The following EEFSEC variants were observed in gnomAD, a reference collection of about 807,000 sequenced individuals.
The protein encoded by EEFSEC is eukaryotic elongation factor, selenocysteine-tRNA specific.
EEFSEC carries 43 observed loss-of-function variants against 42.1 expected under a neutral mutation model. The ratio of observed to expected loss-of-function variants is 1.02; its 90% CI spans 0.80 to 1.32. EEFSEC has a LOEUF of 1.32. Among genes scored for constraint, EEFSEC ranks in the 40% most tolerant of loss-of-function variants. The pLI is 0.00. For synonymous variants in EEFSEC, 354 were observed against 339.1 expected (o/e 1.04, Z -0.48); for missense variants, 745 against 803.6 (o/e 0.93, Z 0.88).
At chr3:128,370,399 C>T (rs1576678528) in intron 6 of EEFSEC, among the ~76,000 whole-genome samples, 1 of 152,148 alleles carries the variant, frequency 6.6e-6, no homozygotes, top group African/African-American at 2.4e-5. Flanking sequence ...CATAGCTCAG[C>T]AGCTGTGCCC....
chr3:128,262,017 A>ATGATGT (rs2066302020), intron 2 of EEFSEC, 111 bp from the exon 3 acceptor site: 1 of 939,738 alleles, frequency 1.1e-6, no homozygotes, highest in Admixed American at 1.8e-5. Context: ...TGATGTGGGG[A>ATGATGT]GAGAAGAGGA....
chr3:128,275,028 T>C (rs2066453333), intron 4 of EEFSEC, among the ~76,000 whole-genome samples: 1 of 152,198 alleles, frequency 6.6e-6, no homozygotes, highest in Non-Finnish European at 1.5e-5. Context: ...CCGAAACTTG[T>C]ATGCCTGTAG....
chr3:128,263,775 T>C (rs925892023), intron 3 of EEFSEC, among the ~76,000 whole-genome samples: 8 of 152,234 alleles, frequency 5.3e-5, no homozygotes, highest in Admixed American at 4.6e-4. Flanking sequence ...ATTTGTTTAT[T>C]GGTGATGAGC....
chr3:128,418,389 G>A, the EEFSEC span, among the ~76,000 whole-genome samples: 20 of 151,972 alleles, frequency 1.3e-4, no homozygotes, highest in African/African-American at 3.4e-4. Context: ...AACAGCAGGC[G>A]GCTCTGCCCG....
At chr3:128,335,376 TGAG>T (rs1227749267) in intron 4 of EEFSEC, among the ~76,000 whole-genome samples, 1 of 151,860 alleles carries the variant, frequency 6.6e-6, no homozygotes, top group Non-Finnish European at 1.5e-5. Flanking sequence ...GTGGGGTGAC[TGAG>T]GAGGGGCTCT....
At chr3:128,424,664 A>T in the EEFSEC span, among the ~76,000 whole-genome samples, 1 of 152,074 alleles carries the variant, frequency 6.6e-6, no homozygotes, top group Non-Finnish European at 1.5e-5. Flanking sequence ...GGATTACAGG[A>T]ATGAGTCACG....
intron 6 of EEFSEC, among the ~76,000 whole-genome samples, chr3:128,359,435 T>C (rs1366306792): frequency 1.3e-5 from 2 of 152,108 alleles, no homozygotes; most frequent in Non-Finnish European, 2.9e-5. Context: ...GAATAGAATG[T>C]GGTGATGCAA....
chr3:128,354,089 G>T (rs550164939), intron 5 of EEFSEC, among the ~76,000 whole-genome samples: 1 of 152,278 alleles, frequency 6.6e-6, no homozygotes, highest in East Asian at 1.9e-4. Context: ...CCACCCAGCT[G>T]CTGTGAAATG....
At chr3:128,195,100 A>G (rs951847742) in intron 1 of EEFSEC, among the ~76,000 whole-genome samples, 3 of 152,104 alleles carry the variant, frequency 2.0e-5, no homozygotes, top group African/African-American at 7.2e-5. Context: ...AGTACAATTA[A>G]TATTTTACAC....
At chr3:128,188,928 C>G (rs1397513124) in intron 1 of EEFSEC, among the ~76,000 whole-genome samples, 1 of 152,350 alleles carries the variant, frequency 6.6e-6, no homozygotes, top group Non-Finnish European at 1.5e-5. Flanking sequence ...GATGGTTCAG[C>G]ATGGACTGCC....
Position 128,341,274 on chromosome 3 carries a change from C to T in EEFSEC, c.828C>T (p.Pro276=), listed in dbSNP as rs1457132947. 6.2e-7 allele frequency: 1 copy of T among 1,613,480 alleles called. No homozygotes were observed. The highest frequency in any genetic ancestry group is 8.5e-7 in the Non-Finnish European group (1 of 1,179,752). The part of the protein sequence containing the change: ...KVKSMQMFHM[P]ITSAMQGDRL... ...AGTCCATGCAGATGTTCCACATGCC[C>T]ATCACTTCAGCCATGCAAGGAGACC... is the stretch of plus-strand genomic sequence containing the variant. The change falls in exon 5 of 7, where the codon CCC becomes CCT. Residue 276 remains proline (P), a synonymous_variant. Coordinates refer to ENST00000254730, the MANE Select transcript of EEFSEC (RefSeq NM_021937.5).
chr3:128,328,862 G>A (rs1253304338), intron 4 of EEFSEC, among the ~76,000 whole-genome samples: 1 of 152,170 alleles, frequency 6.6e-6, no homozygotes, highest in Non-Finnish European at 1.5e-5. Flanking sequence ...ATAGTGGCAG[G>A]TTGAATTTTG....
At chr3:128,414,927 T>C in the EEFSEC span, among the ~76,000 whole-genome samples, 1 of 152,106 alleles carries the variant, frequency 6.6e-6, no homozygotes, top group African/African-American at 2.4e-5. Context: ...CAAAGCTACA[T>C]CAGCTGGCCT....
intron 6 of EEFSEC, among the ~76,000 whole-genome samples, chr3:128,391,372 A>C (rs976967081): frequency 6.6e-6 from 1 of 152,190 alleles, no homozygotes; most frequent in Non-Finnish European, 1.5e-5. Flanking sequence ...AGAGCCCCAC[A>C]CCTGGGTTGG....
At chr3:128,375,485 G>A (rs993599824) in intron 6 of EEFSEC, among the ~76,000 whole-genome samples, 11 of 152,200 alleles carry the variant, frequency 7.2e-5, no homozygotes, top group South Asian at 6.2e-4. Flanking sequence ...CTTCGCAGTC[G>A]GTCTCCCACC....
intron 1 of EEFSEC, among the ~76,000 whole-genome samples, chr3:128,207,000 A>C (rs1484113852): frequency 2.6e-5 from 4 of 152,104 alleles, no homozygotes; most frequent in African/African-American, 9.7e-5. Flanking sequence ...CCTGCAGCTG[A>C]GGGGGCCCCT....
rs1437729318 is a variant in EEFSEC, at chr3:128,345,655, G to A, written c.1443+3766G>A. On this transcript the variant is annotated intron_variant, in intron 5 of 6. Transcript: ENST00000254730. The stretch of plus-strand genomic sequence containing the variant: ...GCACCCAGCCTTTGCTCTGTGATTC[G>A]GGGCAAGGCCAGCACATCTACTTTG... Among the ~76,000 whole-genome samples the A allele has an allele frequency of 2.0e-5, 3 of 152,160 alleles. No homozygotes were observed. The South Asian group carries it at 6.2e-4, about 32-fold the overall frequency.
At chr3:128,421,786 C>T in the EEFSEC span, among the ~76,000 whole-genome samples, 1 of 152,142 alleles carries the variant, frequency 6.6e-6, no homozygotes. Flanking sequence ...GCCTGGCTGA[C>T]CTGTGGGCAC....
chr3:128,261,430 C>T lies in EEFSEC; in HGVS notation c.525-698C>T, dbSNP rs146813419. On this transcript the variant is annotated intron_variant, in intron 2 of 6. Coordinates refer to ENST00000254730, the MANE Select transcript of EEFSEC (RefSeq NM_021937.5). ...TAAATAAATTAGCAGGATATGAAATCGTATACATACTATAACCAAAATCTG... is the reference window on the plus strand; with the variant it reads ...TAAATAAATTAGCAGGATATGAAATTGTATACATACTATAACCAAAATCTG... Among the ~76,000 whole-genome samples, 61 of 152,074 alleles carry T rather than the reference C, an allele frequency of 4.0e-4. 1 individual carries two copies. The highest frequency in any genetic ancestry group is 2.8e-4 in the Non-Finnish European group (19 of 67,998).
Sources: allele counts gnomAD v4.1 joint callset (sites outside exome capture counted in the v4.1 genomes callset), GRCh38; gene constraint gnomAD v4.1.1; transcripts MANE v1.5; gene names NCBI Gene and HGNC (gene_info 2026-07-23, HGNC 2026-07-21).